The following FMR1 variants were observed in gnomAD, a reference collection of about 807,000 sequenced individuals.
The protein encoded by FMR1 is FMRP translational regulator 1.
In FMR1, 13 loss-of-function variants were observed where a neutral mutation model predicts 50.6. The ratio of observed to expected loss-of-function variants is 0.26; its 90% CI spans 0.17 to 0.41. The LOEUF (loss-of-function observed/expected upper bound fraction) is 0.41. FMR1 is among the 10% of genes least tolerant of loss of function. FMR1 has a pLI of 1.00. For missense variants in FMR1, 316 were observed against 491.3 expected (o/e 0.64, Z 3.37); for synonymous variants, 138 against 164.1 (o/e 0.84, Z 1.22).
chrX:147,914,940 C>G (rs1473436104), intron 1 of FMR1, among the ~76,000 whole-genome samples: 1 of 112,022 alleles, frequency 8.9e-6, no homozygotes, highest in African/African-American at 3.2e-5. Flanking sequence ...GAATGCGTAT[C>G]ACTCCAATAT....
chrX:147,940,566 T>G lies in FMR1; in HGVS notation c.1189-10T>G, dbSNP rs1280452989. 7.0e-6 allele frequency: 8 copies of G among 1,148,557 alleles called. No homozygotes were observed. The highest frequency in any genetic ancestry group is 9.5e-6 in the Non-Finnish European group (8 of 838,931). The allele number at this position is 1,148,557 out of a possible 1,213,427, so 94.7% of individuals were successfully genotyped here. ...CTTTTATAGGATCATTGTTGCAATT[T>G]CTTTTTCAGGGTATGGTACCATTTG... On this transcript the variant is annotated splice_polypyrimidine_tract_variant and intron_variant, in intron 12 of 16. Transcript: ENST00000370475.
chrX:147,925,727 A>T (rs782617656), intron 3 of FMR1, 94 bp downstream of exon 3: 8 of 590,777 alleles, frequency 1.4e-5, no homozygotes, highest in African/African-American at 2.2e-5. Flanking sequence ...AACACTGTTT[A>T]AATTACTTTG....
intron 12 of FMR1, among the ~76,000 whole-genome samples, chrX:147,938,844 G>A (rs983601777): frequency 1.8e-5 from 2 of 111,632 alleles, no homozygotes; most frequent in Non-Finnish European, 3.8e-5. Context: ...AGAACACAGA[G>A]TAACTTTTTT....
chrX:147,931,724 G>T (rs2043614364), intron 7 of FMR1, among the ~76,000 whole-genome samples: 2 of 112,029 alleles, frequency 1.8e-5, no homozygotes, highest in African/African-American at 6.5e-5. Context: ...ATATTTACAA[G>T]TGCTCATCAT....
chrX:147,938,230 A>G, intron 12 of FMR1, 69 bp downstream of exon 12: 1 of 886,939 alleles, frequency 1.1e-6, no homozygotes, highest in Non-Finnish European at 1.7e-6. Flanking sequence ...TTGTTAACAA[A>G]GATTACAAAT....
chrX:147,937,739 A>T (rs1258276695), intron 11 of FMR1, 139 bp downstream of exon 11: 1 of 503,778 alleles, frequency 2.0e-6, no homozygotes, highest in Non-Finnish European at 3.6e-6. Flanking sequence ...TTGCCAGCTT[A>T]TGAGATACTA....
intron 1 of FMR1, 104 bp downstream of exon 1, chrX:147,912,334 C>A: frequency 1.3e-6 from 1 of 797,942 alleles, no homozygotes; most frequent in Non-Finnish European, 1.8e-6. Context: ...GAGCACCGCG[C>A]CTGGGTGCCA....
At chrX:147,914,236 A>C (rs1194471839) in intron 1 of FMR1, 2 of 112,561 alleles carry the variant, frequency 1.8e-5, no homozygotes, top group Non-Finnish European at 3.8e-5. Context: ...GTGTCAGACA[A>C]ATTGCTGTTA....
chrX:147,914,983 T>G (rs2042777280), intron 1 of FMR1, among the ~76,000 whole-genome samples: 1 of 111,744 alleles, frequency 8.9e-6, no homozygotes, highest in Non-Finnish European at 1.9e-5. Context: ...ATTTGTAGGT[T>G]TTGTGTACTA....
chrX:147,950,664 T>C lies in FMR1; in HGVS notation c.*1820T>C, dbSNP rs1557183491. Reference sequence around the variant, plus strand: ...TTGATGTTGATGCAATCCTTACAAATGATTGCTTTTAAAATTTTAAGCTAG... The same window carrying C: ...TTGATGTTGATGCAATCCTTACAAACGATTGCTTTTAAAATTTTAAGCTAG... On this transcript the variant is annotated 3_prime_UTR_variant, in exon 17 of 17. Coordinates refer to ENST00000370475, the MANE Select transcript of FMR1 (RefSeq NM_002024.6). 3.1e-6 allele frequency: 1 copy of C among 325,314 alleles called. No homozygotes were observed. Among genetic ancestry groups the C allele is most frequent in the African/African-American group, 2.7e-5 (1 of 37,674 alleles). 26.8% of individuals were successfully genotyped at this position (325,314 alleles called of 1,213,427 possible). A position where few individuals can be genotyped will look rare whatever the true frequency, so the allele number is the denominator to read the frequency against.
chrX:147,942,914 T>C (rs2044055680), intron 13 of FMR1, among the ~76,000 whole-genome samples: 1 of 112,309 alleles, frequency 8.9e-6, no homozygotes, highest in South Asian at 3.6e-4. Context: ...GTTTTTGTTA[T>C]ATCTCTAATT....
chrX:147,942,111 A>G (rs986067876), intron 13 of FMR1, among the ~76,000 whole-genome samples: 5 of 112,812 alleles, frequency 4.4e-5, no homozygotes, highest in Non-Finnish European at 9.4e-5. Context: ...ATGGCAGAGC[A>G]CAGATGAAAC....
chrX:147,938,015 C>T, intron 11 of FMR1, 84 bp from the exon 12 acceptor site: 1 of 734,351 alleles, frequency 1.4e-6, no homozygotes, highest in Admixed American at 2.2e-5. Context: ...TTTAAAAGTC[C>T]TGCAGTGAAA....
intron 3 of FMR1, among the ~76,000 whole-genome samples, chrX:147,926,235 G>T (rs960879051): frequency 1.8e-5 from 2 of 111,923 alleles, no homozygotes; most frequent in Admixed American, 1.9e-4. Context: ...TTCTCCATTA[G>T]AAATTGGTTT....
intron 1 of FMR1, among the ~76,000 whole-genome samples, chrX:147,919,051 T>C (rs187031422): frequency 9.0e-6 from 1 of 111,590 alleles, no homozygotes; most frequent in Non-Finnish European, 1.9e-5. Context: ...ATTTTTAGCA[T>C]GTAATATACA....
intron 1 of FMR1, among the ~76,000 whole-genome samples, chrX:147,920,126 AAG>A (rs1557176120): frequency 1.8e-5 from 2 of 112,200 alleles, no homozygotes; most frequent in African/African-American, 6.5e-5. Flanking sequence ...GTTTTCTCCC[AAG>A]AGTTTTATAA....
intron 1 of FMR1, among the ~76,000 whole-genome samples, chrX:147,914,721 G>A (rs2042763410): frequency 8.9e-6 from 1 of 111,891 alleles, no homozygotes; most frequent in South Asian, 3.7e-4. Context: ...AATTGGTCAC[G>A]TGTACCACTT....
At position 147,949,718 on chromosome X, in the gene FMR1, A is replaced by G. The variant is rs1475715388; in HGVS notation, c.*874A>G. 2 of 327,432 alleles carry G rather than the reference A, an allele frequency of 6.1e-6. No individual in the cohort carries two copies. The highest frequency in any genetic ancestry group is 2.6e-5 in the South Asian group (1 of 38,298). 27.0% of individuals were successfully genotyped at this position (327,432 alleles called of 1,213,427 possible). On this transcript the variant is annotated 3_prime_UTR_variant, in exon 17 of 17. Transcript: ENST00000370475. ...CTAAAATGTTTTCAGCTAGGAACAA[A>G]TCTTCCTGGTCGAAAGTTAGTAGGA...
At chrX:147,936,655 G>C in intron 10 of FMR1, 42 bp downstream of exon 10, 1 of 847,675 alleles carries the variant, frequency 1.2e-6, no homozygotes, top group Non-Finnish European at 1.8e-6. Flanking sequence ...TATAATAAAA[G>C]TAAAAGTTTT....
Sources: gnomAD v4.1 joint callset for allele counts (sites outside exome capture counted in the v4.1 genomes callset) on GRCh38, gnomAD v4.1.1 for gene constraint, MANE v1.5 for transcripts, NCBI Gene and HGNC (gene_info 2026-07-23, HGNC 2026-07-21) for gene names.